Variants in MACROD2 observed in about 807,000 individuals in gnomAD.
MACROD2 encodes the protein ADP-ribose glycohydrolase MACROD2.
Under a neutral mutation model 70.4 loss-of-function variants are expected in MACROD2, and 36 were observed. The ratio of observed to expected loss-of-function variants is 0.51; its 90% CI spans 0.39 to 0.68. MACROD2 has a LOEUF of 0.68. Among genes scored for constraint, MACROD2 ranks in the 30% least tolerant of loss-of-function variants. The pLI, the probability that MACROD2 is intolerant of heterozygous loss-of-function variation, is 0.00. For missense variants in MACROD2, 496 were observed against 538.4 expected (o/e 0.92, Z 0.78); for synonymous variants, 172 against 178.8 (o/e 0.96, Z 0.30).
chr20:14,629,643 C>T (rs6110364), intron 4 of MACROD2, among the ~76,000 whole-genome samples: 98,144 of 151,952 alleles, frequency 0.65, 32,773 homozygotes, highest in African/African-American at 0.82. Flanking sequence ...GTGACTGATT[C>T]CATCTTTTCT....
chr20:15,054,096 G>A (rs1006799382), intron 5 of MACROD2, among the ~76,000 whole-genome samples: 7 of 152,174 alleles, frequency 4.6e-5, no homozygotes, highest in African/African-American at 7.2e-5. Flanking sequence ...TTACGGATGA[G>A]CAAAGAAACT....
intron 5 of MACROD2, among the ~76,000 whole-genome samples, chr20:14,967,121 CT>C (rs1209965560): frequency 6.6e-6 from 1 of 152,162 alleles, no homozygotes; most frequent in Non-Finnish European, 1.5e-5. Flanking sequence ...CCATTTGAAT[CT>C]TTTTTTGTAA....
intron 8 of MACROD2, among the ~76,000 whole-genome samples, chr20:15,706,023 A>G (rs548070122): frequency 6.6e-6 from 1 of 152,344 alleles, no homozygotes; most frequent in Admixed American, 6.5e-5. Flanking sequence ...TATATCTGCC[A>G]GTCAAAGTCA....
chr20:14,209,658 G>A (rs2081554885), intron 3 of MACROD2, among the ~76,000 whole-genome samples: 1 of 152,092 alleles, frequency 6.6e-6, no homozygotes. Flanking sequence ...AGATAGGGAA[G>A]CCTACCATAA....
At chr20:15,180,808 C>A (rs1413793500) in intron 5 of MACROD2, among the ~76,000 whole-genome samples, 1 of 152,198 alleles carries the variant, frequency 6.6e-6, no homozygotes, top group Non-Finnish European at 1.5e-5. Context: ...AGTTTTAATT[C>A]AACACCTCAA....
chr20:15,153,201 C>G (rs925803319), intron 5 of MACROD2, among the ~76,000 whole-genome samples: 5 of 151,882 alleles, frequency 3.3e-5, no homozygotes, highest in South Asian at 4.1e-4. Context: ...GTGTGAGCAA[C>G]GAGGCTATTT....
intron 5 of MACROD2, among the ~76,000 whole-genome samples, chr20:15,195,202 A>G (rs1332060390): frequency 2.0e-5 from 3 of 152,212 alleles, no homozygotes; most frequent in African/African-American, 7.2e-5. Context: ...AAACACCAGA[A>G]GCAATTTCAG....
intron 3 of MACROD2, among the ~76,000 whole-genome samples, chr20:14,231,562 C>G (rs1275125702): frequency 6.6e-6 from 1 of 152,066 alleles, no homozygotes; most frequent in Non-Finnish European, 1.5e-5. Context: ...GGGTTGGTTC[C>G]AAGTCTTTGC....
intron 5 of MACROD2, among the ~76,000 whole-genome samples, chr20:15,095,064 CTTTTTTTTTTTTTTTT>C (rs373794823): frequency 1.1e-5 from 1 of 89,222 alleles, no homozygotes; most frequent in South Asian, 3.8e-4. Flanking sequence ...GTCTCCTCTT[CTTTTTTTTTTTTTTTT>C]TTTTTTTTTT....
chr20:14,299,056 T>C (rs187476608), intron 3 of MACROD2, among the ~76,000 whole-genome samples: 1 of 152,312 alleles, frequency 6.6e-6, no homozygotes, highest in East Asian at 1.9e-4. Context: ...GTCGCAGGGT[T>C]TGAGAGGACT....
At chr20:15,987,375 A>G (rs2066501387) in intron 15 of MACROD2, among the ~76,000 whole-genome samples, 1 of 152,220 alleles carries the variant, frequency 6.6e-6, no homozygotes, top group African/African-American at 2.4e-5. Flanking sequence ...TATAGCATAA[A>G]GATGTTTTTG....
chr20:14,188,406 C>T (rs2081360961), intron 3 of MACROD2, among the ~76,000 whole-genome samples: 1 of 152,026 alleles, frequency 6.6e-6, no homozygotes, highest in South Asian at 2.1e-4. Context: ...CCATATTTAC[C>T]TGGAATTTTA....
chr20:15,350,316 C>G (rs2078214039), intron 6 of MACROD2, among the ~76,000 whole-genome samples: 1 of 152,168 alleles, frequency 6.6e-6, no homozygotes, highest in Admixed American at 6.5e-5. Context: ...TGGAGAAGCT[C>G]AAGCAAAAAT....
intron 4 of MACROD2, among the ~76,000 whole-genome samples, chr20:14,632,758 C>T (rs1046202304): frequency 5.9e-5 from 9 of 152,102 alleles, no homozygotes; most frequent in African/African-American, 1.7e-4. Context: ...TCTCTAACTC[C>T]GAAGAACTTT....
At chr20:14,983,955 C>G (rs796228793) in intron 5 of MACROD2, among the ~76,000 whole-genome samples, 1 of 152,150 alleles carries the variant, frequency 6.6e-6, no homozygotes, top group Non-Finnish European at 1.5e-5. Flanking sequence ...GTACCTTTGA[C>G]GTGCAGAAGC....
intron 5 of MACROD2, among the ~76,000 whole-genome samples, chr20:15,056,611 C>T (rs2123067290): frequency 6.6e-6 from 1 of 151,602 alleles, no homozygotes; most frequent in Middle Eastern, 3.4e-3. Flanking sequence ...AACATGGTCC[C>T]AATTGTGTAA....
In MACROD2 at chr20:15,937,545, G is replaced by A; in HGVS notation, c.907+1G>A. 2 of 1,612,544 alleles carry A rather than the reference G, an allele frequency of 1.2e-6. No individual in the cohort carries two copies. Among genetic ancestry groups the A allele is most frequent in the Non-Finnish European group, 1.7e-6 (2 of 1,178,790 alleles). On this transcript the variant is annotated splice_donor_variant, in intron 12 of 17. Coordinates refer to ENST00000684519, the MANE Select transcript of MACROD2 (RefSeq NM_001351661.2). LOFTEE classifies it high-confidence loss of function. Reference sequence around the variant, plus strand: ...GCAGTTGAAGACTGTAAAGATGAAGGTATGAGGCTACTAACTATATCTAAT... The same window carrying A: ...GCAGTTGAAGACTGTAAAGATGAAGATATGAGGCTACTAACTATATCTAAT...
In MACROD2 at chr20:14,040,352, A is replaced by C. The variant is rs189589617; in HGVS notation, c.163+37948A>C. ...GTGTATCTAAACATAGAAAAAGTAC[A>C]GTAAAAATAGAGTGTAAAAGAAAAA... is the stretch of plus-strand genomic sequence containing the variant. On this transcript the variant is annotated intron_variant, in intron 2 of 17. Transcript: ENST00000684519. 3.1e-3 allele frequency among the ~76,000 whole-genome samples: 467 copies of C among 152,326 alleles called. 5 individuals are homozygous for C. The highest frequency in any genetic ancestry group is 0.01 in the African/African-American group (431 of 41,570).
chr20:15,070,392 G>T lies in MACROD2; in HGVS notation c.419-159548G>T, dbSNP rs188947645. ...GGGGAACTACTGGGAAGGGATGGTT[G>T]TATTTTACAGTGTGAGAAGGACATG... is the stretch of plus-strand genomic sequence containing the variant. On this transcript the variant is annotated intron_variant, in intron 5 of 17. Transcript: ENST00000684519. 3.1e-3 allele frequency among the ~76,000 whole-genome samples: 476 copies of T among 152,256 alleles called. 1 individual carries two copies. The highest frequency in any genetic ancestry group is 0.011 in the African/African-American group (463 of 41,558).
Sources: allele counts gnomAD v4.1 joint callset (sites outside exome capture counted in the v4.1 genomes callset), GRCh38; gene constraint gnomAD v4.1.1; transcripts MANE v1.5; gene names NCBI Gene and HGNC (gene_info 2026-07-23, HGNC 2026-07-21).